The following BLTP1 variants were observed in gnomAD, a reference collection of about 807,000 sequenced individuals.
The protein encoded by BLTP1 is bridge-like lipid transfer protein family member 1, also known as fragile site-associated protein.
the BLTP1 span, among the ~76,000 whole-genome samples, chr4:122,191,147 G>A: frequency 6.6e-6 from 1 of 152,114 alleles, no homozygotes; most frequent in South Asian, 2.1e-4. Flanking sequence ...TGATTAAAGT[G>A]TTTTTAATAT....
chr4:122,201,139 T>C, the BLTP1 span: 1 of 1,590,782 alleles, frequency 6.3e-7, no homozygotes, highest in Non-Finnish European at 8.6e-7. Context: ...AATTTTCTAA[T>C]AGATATAAAT....
At chr4:122,324,529 A>G in the BLTP1 span, 2 of 1,608,294 alleles carry the variant, frequency 1.2e-6, no homozygotes, top group Admixed American at 1.7e-5. Context: ...GCGAATGGAA[A>G]GGGCAAGGTA....
the BLTP1 span, chr4:122,304,669 C>CA: frequency 2.8e-6 from 4 of 1,434,424 alleles, no homozygotes; most frequent in Non-Finnish European, 3.7e-6. Flanking sequence ...CATATTATCT[C>CA]CAAGGTATGC....
the BLTP1 span, among the ~76,000 whole-genome samples, chr4:122,265,513 A>T: frequency 7.9e-5 from 12 of 152,184 alleles, no homozygotes; most frequent in Admixed American, 5.9e-4. Flanking sequence ...AAATAAAGGA[A>T]AGAACGGTTA....
chr4:122,255,341 T>G, the BLTP1 span: 1 of 1,195,786 alleles, frequency 8.4e-7, no homozygotes, highest in Non-Finnish European at 1.2e-6. Flanking sequence ...GGTGGACCAC[T>G]GATACACAGG....
the BLTP1 span, among the ~76,000 whole-genome samples, chr4:122,286,155 T>G: frequency 6.6e-6 from 1 of 152,206 alleles, no homozygotes; most frequent in Non-Finnish European, 1.5e-5. Context: ...CTACCTACTA[T>G]TCTCTGTGAA....
chr4:122,266,660 CTA>C, the BLTP1 span: 9 of 845,770 alleles, frequency 1.1e-5, no homozygotes, highest in Non-Finnish European at 1.5e-5. Context: ...TTGCTTCACA[CTA>C]TGATAATAAT....
the BLTP1 span, chr4:122,183,514 A>G: frequency 4.1e-6 from 4 of 985,076 alleles, no homozygotes; most frequent in Admixed American, 1.8e-4. Flanking sequence ...ACAAGCTGCA[A>G]TCAATATTTA....
At chr4:122,344,727 T>A in the BLTP1 span, 2 of 1,261,222 alleles carry the variant, frequency 1.6e-6, no homozygotes, top group Non-Finnish European at 1.0e-6. Flanking sequence ...TCAATCCAAG[T>A]AATAAATGTT....
At chr4:122,235,103 C>G in the BLTP1 span, 1 of 1,202,464 alleles carries the variant, frequency 8.3e-7, no homozygotes, top group East Asian at 2.4e-5. Flanking sequence ...TCAGTGTTAA[C>G]TCTGTTCAAC....
At chr4:122,287,537 G>C in the BLTP1 span, 22 of 983,920 alleles carry the variant, frequency 2.2e-5, no homozygotes, top group Non-Finnish European at 2.7e-5. Flanking sequence ...ACACTGTGCT[G>C]TGTCTCAGCT....
the BLTP1 span, chr4:122,336,729 A>G: frequency 7.8e-6 from 10 of 1,279,258 alleles, no homozygotes; most frequent in South Asian, 1.6e-4. Flanking sequence ...AGAGGTGCGA[A>G]CAGGGAAAAA....
At chr4:122,218,455 C>G in the BLTP1 span, among the ~76,000 whole-genome samples, 2 of 152,030 alleles carry the variant, frequency 1.3e-5, no homozygotes, top group Admixed American at 1.3e-4. Context: ...ATCCCCCTAC[C>G]AATTAACTGT....
the BLTP1 span, chr4:122,240,165 C>T: frequency 6.2e-7 from 1 of 1,614,114 alleles, no homozygotes; most frequent in Non-Finnish European, 8.5e-7. Context: ...ACAGATTACT[C>T]CGCAACAACC....
the BLTP1 span, chr4:122,200,462 C>T: frequency 9.8e-6 from 6 of 610,800 alleles, no homozygotes. Flanking sequence ...TGCCTGTAAT[C>T]CCAGCTACTC....
At chr4:122,341,226 G>A in the BLTP1 span, among the ~76,000 whole-genome samples, 1 of 152,098 alleles carries the variant, frequency 6.6e-6, no homozygotes, top group African/African-American at 2.4e-5. Flanking sequence ...TTTTGAAAGT[G>A]TTTGATACAT....
chr4:122,251,293 T>C, the BLTP1 span: 19 of 979,394 alleles, frequency 1.9e-5, no homozygotes, highest in Non-Finnish European at 2.3e-5. Context: ...TAAACGTATG[T>C]ACATATATTT....
chr4:122,307,826 T>A, the BLTP1 span: 1 of 1,496,488 alleles, frequency 6.7e-7, no homozygotes. Flanking sequence ...ATTCTAATGC[T>A]ACAGTTTTCT....
chr4:122,359,923 A>G, the BLTP1 span: 2 of 985,380 alleles, frequency 2.0e-6, no homozygotes, highest in South Asian at 9.4e-5. Flanking sequence ...ACAAATGTTG[A>G]GAATAGCTCA....
Sources: gnomAD v4.1 joint callset for allele counts (sites outside exome capture counted in the v4.1 genomes callset) on GRCh38, gnomAD v4.1.1 for gene constraint, MANE v1.5 for transcripts, NCBI Gene and HGNC (gene_info 2026-07-23, HGNC 2026-07-21) for gene names.